Variants in CNIH1 observed in about 807,000 individuals in gnomAD.
The protein encoded by CNIH1 is cornichon family member 1, also known as protein cornichon homolog 1.
A neutral mutation model predicts 20.2 loss-of-function variants in CNIH1; 12 were observed. That is an observed-to-expected ratio of 0.59 (90% confidence interval 0.38 to 0.96). The LOEUF is 0.96. Ranked by LOEUF, CNIH1 falls within the 40% of genes least tolerant of loss-of-function variation. CNIH1 has a pLI of 0.00. For synonymous variants in CNIH1, 69 were observed against 63.3 expected (o/e 1.09, Z -0.43); for missense variants, 152 against 178.8 (o/e 0.85, Z 0.85).
At position 54,440,397 on chromosome 14, in the gene CNIH1, G is replaced by C. The variant is rs2031145927; in HGVS notation, c.81+850C>G. 2.0e-5 allele frequency among the ~76,000 whole-genome samples: 3 copies of C among 152,306 alleles called. No homozygotes were observed. The South Asian group carries it at 6.2e-4, about 32-fold the overall frequency. ...AGCAACAGAAATTCTTATCTCTGTA[G>C]AACTATGTCACAGGGAACTTACGAC... On this transcript the variant is annotated intron_variant, in intron 1 of 4. Transcript: ENST00000216416.
In CNIH1 at chr14:54,424,730, G is replaced by A. The variant is rs1300060032; in HGVS notation, c.*3084C>T. ...ATGAGAACTGTTTGCAGGAGTGGTC[G>A]TCAAGGTGAAAACACTGAACTGGCT... On this transcript the variant is annotated 3_prime_UTR_variant, in exon 5 of 5. Coordinates refer to ENST00000216416, the MANE Select transcript of CNIH1 (RefSeq NM_005776.3). The A allele has an allele frequency of 2.6e-5, 4 of 152,170 alleles. No individual in the cohort carries two copies. Among genetic ancestry groups the A allele is most frequent in the Non-Finnish European group, 5.9e-5 (4 of 68,022 alleles). 9.4% of individuals were successfully genotyped at this position (152,170 alleles called of 1,614,324 possible). A position where few individuals can be genotyped will look rare whatever the true frequency, so the allele number is the denominator to read the frequency against.
rs116313549 is a variant in CNIH1 at position 54,433,056 on chromosome 14, T to C, written c.151-836A>G. The stretch of plus-strand genomic sequence containing the variant: ...AAATTAATTCGAGCAAAATGCTTTT[T>C]ATAAAATGACCAGGAGTTAATGCTT... On this transcript the variant is annotated intron_variant, in intron 2 of 4. Transcript: ENST00000216416. 4.2e-3 allele frequency among the ~76,000 whole-genome samples: 642 copies of C among 152,344 alleles called. 4 individuals carry two copies. Among genetic ancestry groups the C allele is most frequent in the African/African-American group, 0.015 (620 of 41,572 alleles).
intron 3 of CNIH1, among the ~76,000 whole-genome samples, chr14:54,431,012 G>T (rs191318789): frequency 2.8e-3 from 427 of 151,878 alleles, no homozygotes; most frequent in Non-Finnish European, 4.9e-3. Flanking sequence ...TTTTTGTAGA[G>T]GGGGGTTTTG....
chr14:54,439,949 T>C (rs1223790561), intron 1 of CNIH1, among the ~76,000 whole-genome samples: 1 of 152,234 alleles, frequency 6.6e-6, no homozygotes, highest in African/African-American at 2.4e-5. Flanking sequence ...GGGCTGAAGA[T>C]GCTCTTCAAA....
Position 54,425,587 on chromosome 14 carries a change from G to A in CNIH1, c.*2227C>T, listed in dbSNP as rs1234585556. 1 of 152,168 alleles carries A rather than the reference G, an allele frequency of 6.6e-6. No individual in the cohort carries two copies. Among genetic ancestry groups the A allele is most frequent in the East Asian group, 1.9e-4 (1 of 5,200 alleles). The allele number at this position is 152,168 out of a possible 1,614,324, so 9.4% of individuals were successfully genotyped here. A position where few individuals can be genotyped will look rare whatever the true frequency, so the allele number is the denominator to read the frequency against. On this transcript the variant is annotated 3_prime_UTR_variant, in exon 5 of 5. Coordinates refer to ENST00000216416, the MANE Select transcript of CNIH1 (RefSeq NM_005776.3). ...GGATATTGTCAGATTCAAGTATTTC[G>A]TTTCTGCTTTCTCTTGGTAAGTGAT...
chr14:54,431,190 A>G (rs2030935895), intron 3 of CNIH1, among the ~76,000 whole-genome samples: 1 of 151,504 alleles, frequency 6.6e-6, no homozygotes, highest in South Asian at 2.1e-4. Context: ...GTGCAGTGAC[A>G]CGATCTTGGC....
intron 3 of CNIH1, among the ~76,000 whole-genome samples, chr14:54,430,967 G>A (rs2140001189): frequency 6.6e-6 from 1 of 152,138 alleles, no homozygotes; most frequent in South Asian, 2.1e-4. Context: ...AAGTAGCGGG[G>A]ACTACAGGCA....
At chr14:54,434,864 G>A (rs1354768675) in intron 2 of CNIH1, among the ~76,000 whole-genome samples, 3 of 152,146 alleles carry the variant, frequency 2.0e-5, no homozygotes, top group African/African-American at 7.2e-5. Context: ...TTTCATAAGA[G>A]CAAAGAAACA....
In CNIH1 at chr14:54,425,043, T is replaced by C. The variant is rs1473407577; in HGVS notation, c.*2771A>G. 1 of 152,208 alleles carries C rather than the reference T, an allele frequency of 6.6e-6. No homozygotes were observed. The highest frequency in any genetic ancestry group is 1.5e-5 in the Non-Finnish European group (1 of 68,022). 9.4% of individuals were successfully genotyped at this position (152,208 alleles called of 1,614,324 possible). On this transcript the variant is annotated 3_prime_UTR_variant, in exon 5 of 5. Transcript: ENST00000216416. ...CTACCCTGGAATGAGGAGTGAGGAA[T>C]ATCATTAAGCATTGAGAAAACTGTC... is the stretch of plus-strand genomic sequence containing the variant.
rs570003597 is a variant in CNIH1, at chr14:54,430,202, C to T, written c.407+59G>A. 1.0e-5 allele frequency: 16 copies of T among 1,554,688 alleles called. No individual in the cohort carries two copies. In the African/African-American group the frequency reaches 1.4e-4, roughly 13 times the overall value. ...ATTTTGAGGTGTGAAAACCATAATG[C>T]CTGCAAACTTTTAAAGCAGCAAAGT... On this transcript the variant is annotated intron_variant, in intron 4 of 4. Transcript: ENST00000216416.
chr14:54,432,159 T>C lies in CNIH1; in HGVS notation c.212A>G (p.Glu71Gly), dbSNP rs1308039784. Residue 71 changes from glutamate to glycine, a missense_variant, in exon 3 of 5, where the codon GAG becomes GGG. Around this residue, in one of 3 missense-constraint regions of CNIH1, gnomAD observed 97 missense variants for 100.6 expected, o/e 0.96. Coordinates refer to ENST00000216416, the MANE Select transcript of CNIH1 (RefSeq NM_005776.3). ...CATATTGAGACCCAGTGTAAGCCAC[T>C]CTGCTGCACAAAGAAACATGACACA... ...FFCVMFLCAA[E>G]WLTLGLNMPL... 6.4e-7 allele frequency: 1 copy of C among 1,571,570 alleles called. No homozygotes were observed. The highest frequency in any genetic ancestry group is 1.2e-5 in the South Asian group (1 of 85,128).
At chr14:54,430,781 C>T (rs897827697) in intron 3 of CNIH1, among the ~76,000 whole-genome samples, 1 of 152,032 alleles carries the variant, frequency 6.6e-6, no homozygotes, top group Non-Finnish European at 1.5e-5. Flanking sequence ...TTGCTTTCTC[C>T]TTCTCTTTCT....
intron 1 of CNIH1, among the ~76,000 whole-genome samples, chr14:54,438,393 A>G (rs1307142661): frequency 1.3e-5 from 2 of 152,220 alleles, no homozygotes; most frequent in Admixed American, 1.3e-4. Flanking sequence ...TTTTGCAGCT[A>G]TGTGGCTGAG....
chr14:54,433,298 T>C (rs896997612), intron 2 of CNIH1, among the ~76,000 whole-genome samples: 1 of 152,220 alleles, frequency 6.6e-6, no homozygotes, highest in Non-Finnish European at 1.5e-5. Flanking sequence ...GCTGTAGATA[T>C]TGTAATCACA....
Position 54,423,814 on chromosome 14 carries a change from G to A in CNIH1, c.*4000C>T, listed in dbSNP as rs910720500. ...GGAACCAAAGAAATGTAAATATTTC[G>A]AAAAAGCACTACACAATAAAATGAG... On this transcript the variant is annotated 3_prime_UTR_variant, in exon 5 of 5. Coordinates refer to ENST00000216416, the MANE Select transcript of CNIH1 (RefSeq NM_005776.3). The A allele has an allele frequency of 1.3e-5, 2 of 152,002 alleles. No homozygotes were observed. The highest frequency in any genetic ancestry group is 2.9e-5 in the Non-Finnish European group (2 of 67,984). The allele number at this position is 152,002 out of a possible 1,614,324, so 9.4% of individuals were successfully genotyped here.
chr14:54,433,609 A>C (rs1409129468), intron 2 of CNIH1, among the ~76,000 whole-genome samples: 1 of 152,182 alleles, frequency 6.6e-6, no homozygotes, highest in Non-Finnish European at 1.5e-5. Flanking sequence ...CAAACCAAGA[A>C]AAATATACAT....
chr14:54,434,028 C>G (rs540339740), intron 2 of CNIH1, among the ~76,000 whole-genome samples: 3 of 152,110 alleles, frequency 2.0e-5, no homozygotes, highest in Non-Finnish European at 4.4e-5. Flanking sequence ...AACCAAGGTT[C>G]AAACAGAAAC....
rs1442576780 is a variant in CNIH1 at position 54,424,912 on chromosome 14, AAG to A, written c.*2900_*2901del. ...TATACTCGATCCATACTCAAGTCAA[AAG>A]TGGATGGTCTTGGTCATTTCCTATC... On this transcript the variant is annotated 3_prime_UTR_variant, in exon 5 of 5. Transcript: ENST00000216416. 6.6e-6 allele frequency: 1 copy of A among 152,196 alleles called. No individual in the cohort carries two copies. Among genetic ancestry groups the A allele is most frequent in the Non-Finnish European group, 1.5e-5 (1 of 68,034 alleles). 9.4% of individuals were successfully genotyped at this position (152,196 alleles called of 1,614,324 possible).
In CNIH1 at chr14:54,427,789, T is replaced by G. The variant is rs2030855280; in HGVS notation, c.*25A>C. ...TGGTGGCTTTTTGCATGCACTTAACTGGACCAATTCTTCTGTGTGTTGTTC... is the reference window on the plus strand; with the variant it reads ...TGGTGGCTTTTTGCATGCACTTAACGGGACCAATTCTTCTGTGTGTTGTTC... On this transcript the variant is annotated 3_prime_UTR_variant, in exon 5 of 5. Transcript: ENST00000216416. 1.9e-6 allele frequency: 3 copies of G among 1,613,410 alleles called. No homozygotes were observed. Among genetic ancestry groups the G allele is most frequent in the Non-Finnish European group, 2.5e-6 (3 of 1,179,764 alleles).
Sources: gnomAD v4.1 joint callset for allele counts (sites outside exome capture counted in the v4.1 genomes callset) on GRCh38, gnomAD v4.1.1 for gene constraint, gnomAD v4.1.1 regional missense constraint, MANE v1.5 for transcripts, NCBI Gene and HGNC (gene_info 2026-07-23, HGNC 2026-07-21) for gene names.